Variants in MAGI1 observed in about 807,000 individuals in gnomAD.
MAGI1 encodes membrane associated guanylate kinase, WW and PDZ domain containing 1.
Under a neutral mutation model 139.9 loss-of-function variants are expected in MAGI1, and 58 were observed. The observed-to-expected ratio is 0.41, with a 90% CI of 0.34 to 0.52. MAGI1 has a LOEUF of 0.52. MAGI1 is among the 20% of genes least tolerant of loss of function. The pLI is 0.12. For missense variants in MAGI1, 1,874 were observed against 1,901.6 expected (o/e 0.99, Z 0.27); for synonymous variants, 812 against 737.9 (o/e 1.10, Z -1.63).
intron 1 of MAGI1, among the ~76,000 whole-genome samples, chr3:65,793,381 T>A (rs890669499): frequency 2.6e-5 from 4 of 152,212 alleles, no homozygotes; most frequent in African/African-American, 4.8e-5. Context: ...TCACAGAGTC[T>A]GGGGCAATTA....
chr3:65,359,974 A>G, intron 22 of MAGI1: 1 of 985,414 alleles, frequency 1.0e-6, no homozygotes, highest in Non-Finnish European at 1.2e-6. Context: ...TACAGTGCAC[A>G]GCCACGGCAT....
At chr3:65,888,254 T>G (rs777852890) in intron 1 of MAGI1, among the ~76,000 whole-genome samples, 1 of 152,196 alleles carries the variant, frequency 6.6e-6, no homozygotes, top group Non-Finnish European at 1.5e-5. Flanking sequence ...AGAAGCCATA[T>G]GAAGCATCAG....
intron 1 of MAGI1, among the ~76,000 whole-genome samples, chr3:65,863,301 T>C (rs780255909): frequency 2.0e-5 from 3 of 152,226 alleles, no homozygotes; most frequent in Admixed American, 6.5e-5. Flanking sequence ...ACTTATGATA[T>C]ATAGCCAAGT....
intron 4 of MAGI1, among the ~76,000 whole-genome samples, chr3:65,475,757 C>T (rs1033703599): frequency 6.6e-6 from 1 of 151,870 alleles, no homozygotes; most frequent in Non-Finnish European, 1.5e-5. Flanking sequence ...CAGCTTCTGC[C>T]TTAATCAATG....
intron 2 of MAGI1, among the ~76,000 whole-genome samples, chr3:65,594,029 TA>T (rs1172940407): frequency 6.6e-6 from 1 of 152,202 alleles, no homozygotes; most frequent in Non-Finnish European, 1.5e-5. Context: ...AACATTTTGG[TA>T]AAAGTCAGGT....
rs975813407 is a variant in MAGI1 at position 65,668,568 on chromosome 3, T to C, written c.314-46480A>G. 3.2e-3 allele frequency among the ~76,000 whole-genome samples: 450 copies of C among 139,578 alleles called. 16 individuals are homozygous for C. The East Asian group carries it at 0.082, about 26-fold the overall frequency. 91.6% of individuals were successfully genotyped at this position (139,578 alleles called of 152,430 possible). A position where few individuals can be genotyped will look rare whatever the true frequency, so the allele number is the denominator to read the frequency against. The stretch of plus-strand genomic sequence containing the variant: ...CCATTTAGTCCTTTTTTTTCTTTTT[T>C]TTTTTTTTTTTTTTTTGACACGGAG... On this transcript the variant is annotated intron_variant, in intron 1 of 22. Coordinates refer to ENST00000402939, the MANE Select transcript of MAGI1 (RefSeq NM_001033057.2).
At chr3:65,558,514 A>C (rs2080194520) in intron 2 of MAGI1, among the ~76,000 whole-genome samples, 1 of 152,176 alleles carries the variant, frequency 6.6e-6, no homozygotes, top group Non-Finnish European at 1.5e-5. Flanking sequence ...ACAAAAAAAC[A>C]GCTGACATTA....
chr3:66,014,164 A>G (rs1379963284), intron 1 of MAGI1, among the ~76,000 whole-genome samples: 1 of 152,200 alleles, frequency 6.6e-6, no homozygotes, highest in East Asian at 1.9e-4. Flanking sequence ...AAAGCAGTTC[A>G]CCAAACACTG....
rs2061443392 is a variant in MAGI1 at position 65,906,635 on chromosome 3, C to A, written c.313+131361G>T. On this transcript the variant is annotated intron_variant, in intron 1 of 22. Transcript: ENST00000402939. ...GTGTGGTGGCTCATGCCTGGAATCC[C>A]AGCATTTTGGGAGGCTGAGGTGGGC... 3.3e-5 allele frequency among the ~76,000 whole-genome samples: 5 copies of A among 152,260 alleles called. No individual in the cohort carries two copies. In the South Asian group the frequency reaches 1.0e-3, roughly 32 times the overall value.
chr3:65,763,659 G>A (rs2037221616), intron 1 of MAGI1, among the ~76,000 whole-genome samples: 1 of 151,488 alleles, frequency 6.6e-6, no homozygotes, highest in Non-Finnish European at 1.5e-5. Context: ...TGGGATATCT[G>A]TGCGCATAAG....
chr3:65,972,414 T>C (rs1485357609), intron 1 of MAGI1, among the ~76,000 whole-genome samples: 1 of 152,124 alleles, frequency 6.6e-6, no homozygotes, highest in African/African-American at 2.4e-5. Context: ...GTCTAAGACA[T>C]ATGCCTGTGA....
chr3:65,470,322 T>A lies in MAGI1; in HGVS notation c.920A>T (p.Glu307Val). The A allele has an allele frequency of 6.2e-7, 1 of 1,613,404 alleles. No individual in the cohort carries two copies. The highest frequency in any genetic ancestry group is 8.5e-7 in the Non-Finnish European group (1 of 1,179,428). Residue 307 changes from glutamate (E) to valine (V), a missense_variant, in exon 5 of 23, where the codon GAG (glutamate) becomes GTG (valine). Around this residue, in one of 5 missense-constraint regions of MAGI1, gnomAD observed 648 missense variants for 598.1 expected, o/e 1.08. Coordinates refer to ENST00000402939, the MANE Select transcript of MAGI1 (RefSeq NM_001033057.2). Reference sequence around the variant, plus strand: ...TTCTCCATTTTCAGTATAGGCCATCTCCCAGTTTTCAGGTAGAGGACCTAA... The same window carrying A: ...TTCTCCATTTTCAGTATAGGCCATCACCCAGTTTTCAGGTAGAGGACCTAA... ...DNLGPLPENW[E>V]MAYTENGEVY...
chr3:65,762,182 T>C (rs2037087585), intron 1 of MAGI1, among the ~76,000 whole-genome samples: 1 of 152,166 alleles, frequency 6.6e-6, no homozygotes, highest in African/African-American at 2.4e-5. Context: ...GGGCAGTCTA[T>C]GAACAATCAC....
At chr3:65,499,926 G>A (rs906164146) in intron 2 of MAGI1, among the ~76,000 whole-genome samples, 6 of 152,140 alleles carry the variant, frequency 3.9e-5, no homozygotes, top group African/African-American at 1.2e-4. Flanking sequence ...GCAGGTAACT[G>A]TCTTGGCATT....
intron 1 of MAGI1, among the ~76,000 whole-genome samples, chr3:65,698,790 C>T (rs1339656072): frequency 1.4e-5 from 2 of 145,606 alleles, no homozygotes; most frequent in East Asian, 4.1e-4. Context: ...AAAACCTAGG[C>T]ATTACCATTC....
At chr3:65,618,660 G>A (rs1046971610) in intron 2 of MAGI1, among the ~76,000 whole-genome samples, 2 of 151,968 alleles carry the variant, frequency 1.3e-5, no homozygotes, top group Non-Finnish European at 2.9e-5. Flanking sequence ...ACAAAGAATT[G>A]GTTTAACCCT....
intron 5 of MAGI1, among the ~76,000 whole-genome samples, chr3:65,464,154 A>T (rs1263869093): frequency 1.3e-5 from 2 of 152,114 alleles, no homozygotes; most frequent in Non-Finnish European, 2.9e-5. Context: ...TGTCAATCTT[A>T]TTAGAGGTTC....
At chr3:65,494,831 C>T (rs1324099597) in intron 2 of MAGI1, among the ~76,000 whole-genome samples, 2 of 152,224 alleles carry the variant, frequency 1.3e-5, no homozygotes, top group African/African-American at 4.8e-5. Context: ...AAGTCAAAAA[C>T]ACTCAACACT....
At chr3:65,887,941 G>C (rs550125983) in intron 1 of MAGI1, among the ~76,000 whole-genome samples, 50 of 152,180 alleles carry the variant, frequency 3.3e-4, no homozygotes, top group Non-Finnish European at 5.9e-4. Flanking sequence ...GCAACTATTA[G>C]AACCTGTATA....
Sources: allele counts gnomAD v4.1 joint callset (sites outside exome capture counted in the v4.1 genomes callset), GRCh38; gene constraint gnomAD v4.1.1; regional missense constraint gnomAD v4.1.1; transcripts MANE v1.5; gene names NCBI Gene and HGNC (gene_info 2026-07-23, HGNC 2026-07-21).